The following CERS3 variants were observed in gnomAD, a reference collection of about 807,000 sequenced individuals.
CERS3 encodes LAG1 homolog, ceramide synthase 3.
CERS3 carries 33 observed loss-of-function variants against 50.3 expected under a neutral mutation model. The ratio of observed to expected loss-of-function variants is 0.66; its 90% confidence interval spans 0.50 to 0.88. The LOEUF is 0.88. CERS3 is among the 40% of genes least tolerant of loss of function. The pLI is 0.00. For synonymous variants in CERS3, 176 were observed against 155.2 expected (o/e 1.13, Z -0.99); for missense variants, 470 against 460.3 (o/e 1.02, Z -0.19).
chr15:100,419,214 T>G (rs1045226043), intron 11 of CERS3, among the ~76,000 whole-genome samples: 1 of 131,020 alleles, frequency 7.6e-6, no homozygotes, highest in African/African-American at 2.8e-5. Flanking sequence ...ACACATAGGC[T>G]CAAAATAAAA....
At chr15:100,510,272 A>G (rs1445943803) in intron 2 of CERS3, among the ~76,000 whole-genome samples, 4 of 152,202 alleles carry the variant, frequency 2.6e-5, no homozygotes, top group African/African-American at 9.7e-5. Context: ...ATAACTGTAA[A>G]AAAACTGAAG....
Position 100,401,458 on chromosome 15 carries a change from A to G in CERS3, c.*1255T>C, listed in dbSNP as rs1355707064. ...TCCGGAGGGTGAGGACAAGCTGGCT[A>G]CTGATCTGCCCGTCCCTATCCCTCC... On this transcript the variant is annotated 3_prime_UTR_variant, in exon 12 of 12. Coordinates refer to ENST00000679737, the MANE Select transcript of CERS3 (RefSeq NM_001378789.1). 1 of 152,266 alleles carries G rather than the reference A, an allele frequency of 6.6e-6. No individual in the cohort carries two copies. Among genetic ancestry groups the G allele is most frequent in the African/African-American group, 2.4e-5 (1 of 41,442 alleles). 9.4% of individuals were successfully genotyped at this position (152,266 alleles called of 1,614,324 possible). A position where few individuals can be genotyped will look rare whatever the true frequency, so the allele number is the denominator to read the frequency against.
chr15:100,444,400 G>A (rs2142163234), intron 11 of CERS3, among the ~76,000 whole-genome samples: 1 of 151,736 alleles, frequency 6.6e-6, no homozygotes, highest in South Asian at 2.1e-4. Context: ...CCCCATGACT[G>A]CATCTCTCTG....
chr15:100,512,220 C>T (rs1489832848), intron 2 of CERS3, among the ~76,000 whole-genome samples: 1 of 152,188 alleles, frequency 6.6e-6, no homozygotes, highest in African/African-American at 2.4e-5. Flanking sequence ...TCCTTTTTGC[C>T]TGCTTGGGGA....
chr15:100,497,896 C>CT (rs377191111), intron 3 of CERS3, among the ~76,000 whole-genome samples: 12 of 63,620 alleles, frequency 1.9e-4, no homozygotes, highest in Admixed American at 1.0e-3. Context: ...CACACACACA[C>CT]TTTTTTTTTT....
intron 2 of CERS3, among the ~76,000 whole-genome samples, chr15:100,516,561 G>A (rs1280710944): frequency 2.0e-5 from 3 of 152,016 alleles, no homozygotes; most frequent in African/African-American, 7.3e-5. Context: ...TCACCTACTG[G>A]GTACAGGAAA....
At chr15:100,543,861 C>T (rs1345941766) in intron 1 of CERS3, among the ~76,000 whole-genome samples, 1 of 152,170 alleles carries the variant, frequency 6.6e-6, no homozygotes, top group Non-Finnish European at 1.5e-5. Flanking sequence ...CTTTGAGGTC[C>T]TAGCATGTAT....
intron 3 of CERS3, 33 bp downstream of exon 3, chr15:100,501,644 G>C (rs1485264499): frequency 6.5e-7 from 1 of 1,544,442 alleles, no homozygotes; most frequent in East Asian, 2.2e-5. Flanking sequence ...GCAAAGAGGG[G>C]GAATGGGAAG....
In CERS3 at chr15:100,483,787, A is replaced by ATTTTTTTTTTT. The variant is rs10622678; in HGVS notation, c.407+752_407+762dup. Among the ~76,000 whole-genome samples the ATTTTTTTTTTT allele has an allele frequency of 2.7e-3, 274 of 99,984 alleles. 2 individuals are homozygous for ATTTTTTTTTTT. The highest frequency in any genetic ancestry group is 8.4e-3 in the East Asian group (26 of 3,096). The allele number at this position is 99,984 out of a possible 152,430, so 65.6% of individuals were successfully genotyped here. A position where few individuals can be genotyped will look rare whatever the true frequency, so the allele number is the denominator to read the frequency against. On this transcript the variant is annotated intron_variant, in intron 5 of 11. Transcript: ENST00000679737. ...AATAATAATAATAATTATTATTATT[A>ATTTTTTTTTTT]TTTTTTTTTTTGAGACAGAGTCTTG...
intron 11 of CERS3, among the ~76,000 whole-genome samples, chr15:100,404,893 T>C (rs56679812): frequency 0.033 from 5,085 of 152,268 alleles, 305 homozygotes; most frequent in African/African-American, 0.12. Context: ...TTTCAACAAA[T>C]GGTCAGAGCA....
chr15:100,526,272 T>C (rs556956598), intron 1 of CERS3, among the ~76,000 whole-genome samples: 7 of 152,074 alleles, frequency 4.6e-5, no homozygotes, highest in Non-Finnish European at 1.0e-4. Context: ...CATAAATTCG[T>C]GTTGGGGAGG....
intron 1 of CERS3, among the ~76,000 whole-genome samples, chr15:100,543,733 T>G (rs1446125988): frequency 6.6e-6 from 1 of 152,092 alleles, no homozygotes; most frequent in Non-Finnish European, 1.5e-5. Flanking sequence ...TTTCACCATG[T>G]TGGCCAGGCT....
intron 10 of CERS3, among the ~76,000 whole-genome samples, chr15:100,463,222 G>T (rs543251928): frequency 4.6e-5 from 7 of 151,896 alleles, no homozygotes; most frequent in African/African-American, 7.3e-5. Flanking sequence ...AGACCACAAG[G>T]TCAAGAGATC....
At chr15:100,499,308 G>T (rs2035928688) in intron 3 of CERS3, among the ~76,000 whole-genome samples, 1 of 152,046 alleles carries the variant, frequency 6.6e-6, no homozygotes, top group Non-Finnish European at 1.5e-5. Context: ...ATGCACAGAA[G>T]ATAAACTAAT....
chr15:100,418,353 A>G (rs1316445666), intron 11 of CERS3, among the ~76,000 whole-genome samples: 2 of 152,042 alleles, frequency 1.3e-5, no homozygotes. Flanking sequence ...GAAATGAATG[A>G]AATGAAGCGA....
At chr15:100,451,651 G>A (rs907665755) in intron 11 of CERS3, among the ~76,000 whole-genome samples, 1 of 152,128 alleles carries the variant, frequency 6.6e-6, no homozygotes, top group African/African-American at 2.4e-5. Flanking sequence ...AGCTTGCAGT[G>A]AGCCAAGATC....
chr15:100,430,628 A>T (rs2033077423), intron 11 of CERS3, among the ~76,000 whole-genome samples: 1 of 152,222 alleles, frequency 6.6e-6, no homozygotes, highest in African/African-American at 2.4e-5. Flanking sequence ...TCCATGTCTA[A>T]ATCCGCAGTT....
chr15:100,501,900 T>C lies in CERS3; in HGVS notation c.-1-50A>G, dbSNP rs760108669. The C allele has an allele frequency of 3.2e-6, 5 of 1,575,098 alleles. No individual in the cohort carries two copies. In the African/African-American group the frequency reaches 6.8e-5, roughly 21 times the overall value. ...GGCTTGTAAAACAAACACGTAACTTTAGGATAACATTGATCACCTTGGCTC... is the reference window on the plus strand; with the variant it reads ...GGCTTGTAAAACAAACACGTAACTTCAGGATAACATTGATCACCTTGGCTC... On this transcript the variant is annotated intron_variant, in intron 2 of 11. Coordinates refer to ENST00000679737, the MANE Select transcript of CERS3 (RefSeq NM_001378789.1).
chr15:100,467,850 T>TATATATATATAGATAG (rs145899470), intron 10 of CERS3, among the ~76,000 whole-genome samples: 1 of 93,136 alleles, frequency 1.1e-5, no homozygotes, highest in Non-Finnish European at 2.3e-5. Context: ...TATATATATA[T>TATATATATATAGATAG]ATAGATAGAT....
Sources: gnomAD v4.1 joint callset for allele counts (sites outside exome capture counted in the v4.1 genomes callset) on GRCh38, gnomAD v4.1.1 for gene constraint, MANE v1.5 for transcripts, NCBI Gene and HGNC (gene_info 2026-07-23, HGNC 2026-07-21) for gene names.